Variants in BRD7 observed in about 807,000 individuals in gnomAD.
The protein encoded by BRD7 is bromodomain-containing protein 7.
In BRD7, 15 loss-of-function variants were observed where a neutral mutation model predicts 82.1. The ratio of observed to expected loss-of-function variants is 0.18; its 90% confidence interval spans 0.12 to 0.28. BRD7 has a LOEUF of 0.28. Ranked by LOEUF, BRD7 falls within the 10% of genes least tolerant of loss-of-function variation. The probability of loss-of-function intolerance (pLI) is 1.00; values close to 1 mark genes in which losing one functional copy is unlikely to be tolerated. For synonymous variants in BRD7, 232 were observed against 266.9 expected, an observed-to-expected ratio of 0.87 and a Z score of 1.27; for missense variants, 638 against 779.9, an observed-to-expected ratio of 0.82 and a Z score of 2.17.
rs767202141 is a variant in BRD7 at position 50,318,226 on chromosome 16, A to G, written c.*985T>C. 15 of 152,364 alleles carry G rather than the reference A, an allele frequency of 9.8e-5. 1 individual carries two copies. Among genetic ancestry groups the G allele is most frequent in the East Asian group, 7.7e-4 (4 of 5,204 alleles). The allele number at this position is 152,364 out of a possible 1,614,324, so 9.4% of individuals were successfully genotyped here. On this transcript the variant is annotated 3_prime_UTR_variant, in exon 17 of 17. Coordinates refer to ENST00000394688, the MANE Select transcript of BRD7 (RefSeq NM_013263.5). Reference sequence around the variant, plus strand: ...AACTTGAAAATTTGACTCTTTTAGCATAAGATTTTAAGTCTTTTGAGGGAA... The same window carrying G: ...AACTTGAAAATTTGACTCTTTTAGCGTAAGATTTTAAGTCTTTTGAGGGAA...
intron 5 of BRD7, among the ~76,000 whole-genome samples, chr16:50,346,034 G>A (rs2038269954): frequency 6.6e-6 from 1 of 152,164 alleles, no homozygotes; most frequent in Admixed American, 6.5e-5. Context: ...GCACTCCTCA[G>A]TAAATGTAAA....
chr16:50,337,003 C>G (rs970973642), intron 6 of BRD7, among the ~76,000 whole-genome samples: 3 of 152,132 alleles, frequency 2.0e-5, no homozygotes, highest in Non-Finnish European at 4.4e-5. Flanking sequence ...ATGTGCCAGA[C>G]ACAACTCCAT....
Position 50,316,077 on chromosome 16 carries a change from C to G in BRD7, c.*3134G>C, listed in dbSNP as rs2036785536. The stretch of plus-strand genomic sequence containing the variant: ...AAAAACACCACAATTAACACTGTTA[C>G]TTTTTGCCTTGTCTGGCATGTTTGT... On this transcript the variant is annotated 3_prime_UTR_variant, in exon 17 of 17. Coordinates refer to ENST00000394688, the MANE Select transcript of BRD7 (RefSeq NM_013263.5). 6.5e-6 allele frequency: 1 copy of G among 152,828 alleles called. No homozygotes were observed. The allele number at this position is 152,828 out of a possible 1,614,324, so 9.5% of individuals were successfully genotyped here.
chr16:50,357,524 A>G (rs2038782086), intron 2 of BRD7, among the ~76,000 whole-genome samples: 1 of 152,222 alleles, frequency 6.6e-6, no homozygotes, highest in African/African-American at 2.4e-5. Context: ...TAGAAGATCC[A>G]TTCTATGAAA....
intron 5 of BRD7, among the ~76,000 whole-genome samples, chr16:50,348,054 A>G (rs1355123379): frequency 6.6e-6 from 1 of 152,256 alleles, no homozygotes; most frequent in Non-Finnish European, 1.5e-5. Flanking sequence ...TACTGGTACC[A>G]AAACAGAGAC....
Position 50,363,632 on chromosome 16 carries a change from GTT to G in BRD7, c.258+4456_258+4457del, listed in dbSNP as rs1491536910. 1.9e-4 allele frequency among the ~76,000 whole-genome samples: 22 copies of G among 118,694 alleles called. No individual in the cohort carries two copies. The South Asian group carries it at 5.0e-3, about 27-fold the overall frequency. 77.9% of individuals were successfully genotyped at this position (118,694 alleles called of 152,430 possible). A position where few individuals can be genotyped will look rare whatever the true frequency, so the allele number is the denominator to read the frequency against. ...CTTTTGAAAAATTGTAAGGCTTTAC[GTT>G]GTGTGTTTGTGTGTGTGTGTGTGTG... On this transcript the variant is annotated intron_variant, in intron 2 of 16. Coordinates refer to ENST00000394688, the MANE Select transcript of BRD7 (RefSeq NM_013263.5).
intron 2 of BRD7, among the ~76,000 whole-genome samples, chr16:50,360,446 A>G (rs1196648649): frequency 1.3e-5 from 2 of 152,230 alleles, no homozygotes; most frequent in Non-Finnish European, 1.5e-5. Context: ...ATGTTTCATT[A>G]CCTGGCAGCT....
rs745680907 is a variant in BRD7 at position 50,368,293 on chromosome 16, C to T, written c.55G>A (p.Val19Ile). ...KSDKHLYEEY[V>I]EKPLKLVLKV... ...AGGACCAGCTTCAAGGGCTTCTCTA[C>T]ATACTCTTAAAAAAAGAAAAGAAAA... The change falls in exon 2 of 17, where the codon GTA (valine) becomes ATA (isoleucine). Residue 19 changes from valine (V) to isoleucine (I), a missense_variant. Physicochemically the swap from Val to Ile is conservative, Grantham distance 29. This residue lies in a region of BRD7 where 172 missense variants were observed against 155.3 expected (regional missense o/e 1.11). Coordinates refer to ENST00000394688, the MANE Select transcript of BRD7 (RefSeq NM_013263.5). The T allele has an allele frequency of 3.7e-6, 6 of 1,612,354 alleles. No individual in the cohort carries two copies. The African/African-American group carries it at 5.4e-5, about 14-fold the overall frequency.
In BRD7 at chr16:50,347,906, A is replaced by C. The variant is rs891262239; in HGVS notation, c.591+2117T>G. Among the ~76,000 whole-genome samples the C allele has an allele frequency of 4.6e-5, 7 of 152,308 alleles. No homozygotes were observed. The South Asian group carries it at 1.2e-3, about 27-fold the overall frequency. ...GACTTTCTTCACAGAATTGGAAAAA[A>C]CTACTTTAAAGTTCATATGGAACCA... On this transcript the variant is annotated intron_variant, in intron 5 of 16. Coordinates refer to ENST00000394688, the MANE Select transcript of BRD7 (RefSeq NM_013263.5).
intron 14 of BRD7, 71 bp downstream of exon 14, chr16:50,320,592 A>G: frequency 1.4e-6 from 2 of 1,409,182 alleles, no homozygotes; most frequent in Non-Finnish European, 2.0e-6. Context: ...GTTAATCTGT[A>G]CTTATGAGAC....
At chr16:50,332,256 C>A (rs953877701) in intron 8 of BRD7, among the ~76,000 whole-genome samples, 1 of 151,904 alleles carries the variant, frequency 6.6e-6, no homozygotes, top group Admixed American at 6.6e-5. Context: ...GGACTAACTA[C>A]GCATCCAATA....
In BRD7 at chr16:50,320,277, A is replaced by G; in HGVS notation, c.1727T>C (p.Leu576Ser). The G allele has an allele frequency of 6.2e-7, 1 of 1,614,136 alleles. No individual in the cohort carries two copies. Among genetic ancestry groups the G allele is most frequent in the Non-Finnish European group, 8.5e-7 (1 of 1,179,998 alleles). ...ATGCATTTCTCTGTATGAGGGACCC[A>G]AGAGACAGATCATGTTCGGAGGGGG... is the stretch of plus-strand genomic sequence containing the variant. Reference protein sequence around the residue: ...TRPPPNMICLLGPSYREMHLA... With the variant: ...TRPPPNMICLSGPSYREMHLA... The change falls in exon 15 of 17, where the codon TTG (leucine) becomes TCG (serine). Residue 576 changes from leucine to serine, a missense_variant. By Grantham distance (145) the Leu-to-Ser change is moderately radical. This residue lies in a region of BRD7 where 402 missense variants were observed against 500.8 expected (regional missense o/e 0.80). Coordinates refer to ENST00000394688, the MANE Select transcript of BRD7 (RefSeq NM_013263.5).
At chr16:50,356,141 C>G (rs921200368) in intron 2 of BRD7, among the ~76,000 whole-genome samples, 2 of 152,168 alleles carry the variant, frequency 1.3e-5, no homozygotes, top group African/African-American at 4.8e-5. Context: ...CAACATTTGT[C>G]TGAAATGTCA....
chr16:50,345,340 C>G (rs2038236002), intron 5 of BRD7, among the ~76,000 whole-genome samples: 1 of 152,154 alleles, frequency 6.6e-6, no homozygotes, highest in African/African-American at 2.4e-5. Context: ...ACCATCAAGG[C>G]TAGAAAGAAA....
chr16:50,344,059 T>TC (rs1456618706), intron 5 of BRD7, among the ~76,000 whole-genome samples: 6 of 152,138 alleles, frequency 3.9e-5, no homozygotes, highest in African/African-American at 1.2e-4. Context: ...CCCTCTGAGA[T>TC]GAAGCTTCCA....
chr16:50,368,022 T>A, intron 2 of BRD7, 68 bp downstream of exon 2: 160 of 1,424,772 alleles, frequency 1.1e-4, no homozygotes, highest in East Asian at 3.6e-4. Flanking sequence ...ACAAAGAAAA[T>A]AAAATGAGGT....
At chr16:50,349,636 G>T in intron 5 of BRD7, 1 of 470,590 alleles carries the variant, frequency 2.1e-6, no homozygotes, top group Non-Finnish European at 4.4e-6. Context: ...GTATAGCGGT[G>T]TAAGAATGGA....
At chr16:50,341,928 TCACACACACA>T (rs375793137) in intron 5 of BRD7, among the ~76,000 whole-genome samples, 147 of 143,656 alleles carry the variant, frequency 1.0e-3, no homozygotes, top group African/African-American at 3.4e-3. Context: ...TGCACACTTT[TCACACACACA>T]CACACACACA....
In BRD7 at chr16:50,350,115, C is replaced by G; in HGVS notation, c.499G>C (p.Gly167Arg). ...GGGTGTTTAATGATCATGGAGTAGC[C>G]AGGAGCAATAAAATCAGTCACAGGA... ...SFPVTDFIAP[G>R]YSMIIKHPMD... Residue 167 changes from glycine to arginine, a missense_variant, in exon 5 of 17, where the codon GGC becomes CGC. By Grantham distance (125) the Gly-to-Arg change is moderately radical. Transcript: ENST00000394688. The G allele has an allele frequency of 6.3e-7, 1 of 1,598,322 alleles. No individual in the cohort carries two copies. Among genetic ancestry groups the G allele is most frequent in the Non-Finnish European group, 8.5e-7 (1 of 1,174,902 alleles).
Sources: gnomAD v4.1 joint callset for allele counts (sites outside exome capture counted in the v4.1 genomes callset) on GRCh38, gnomAD v4.1.1 for gene constraint, gnomAD v4.1.1 regional missense constraint, MANE v1.5 for transcripts, NCBI Gene and HGNC (gene_info 2026-07-23, HGNC 2026-07-21) for gene names.